The following EFCAB5 variants were observed in gnomAD, a reference collection of about 807,000 sequenced individuals.
The protein encoded by EFCAB5 is EF-hand calcium-binding domain-containing protein 5.
EFCAB5 carries 131 observed loss-of-function variants against 167.9 expected under a neutral mutation model. That is an observed-to-expected ratio of 0.78 (90% CI 0.68 to 0.90). The LOEUF (loss-of-function observed/expected upper bound fraction) is 0.90, where lower values mean the gene tolerates loss of function less well. EFCAB5 is among the 40% of genes least tolerant of loss of function. EFCAB5 has a pLI of 0.00. For missense variants in EFCAB5, 1,663 were observed against 1,745.2 expected (o/e 0.95, Z 0.84); for synonymous variants, 574 against 602.8 (o/e 0.95, Z 0.70).
At chr17:29,962,249 T>C (rs556010812) in intron 3 of EFCAB5, among the ~76,000 whole-genome samples, 2 of 152,362 alleles carry the variant, frequency 1.3e-5, no homozygotes, top group African/African-American at 2.4e-5. Context: ...TTTGATTGCA[T>C]TGAATCTGTA....
At chr17:29,964,656 A>G (rs1253812484) in intron 3 of EFCAB5, among the ~76,000 whole-genome samples, 1 of 151,422 alleles carries the variant, frequency 6.6e-6, no homozygotes, top group Non-Finnish European at 1.5e-5. Flanking sequence ...CCCCACTTTC[A>G]TTTCTGATTT....
At chr17:30,035,102 G>T (rs916468639) in intron 8 of EFCAB5, among the ~76,000 whole-genome samples, 6 of 152,168 alleles carry the variant, frequency 3.9e-5, no homozygotes, top group African/African-American at 1.4e-4. Context: ...TGCAATCTAG[G>T]TTCTTAGATT....
In EFCAB5 at chr17:30,089,390, G is replaced by A. The variant is rs574380791; in HGVS notation, c.3684-1031G>A. ...GGACATCATCTTACCTGTCACTGTA[G>A]GATTGATATAGAAACTATAAATGCG... On this transcript the variant is annotated intron_variant, in intron 19 of 22. Coordinates refer to ENST00000394835, the MANE Select transcript of EFCAB5 (RefSeq NM_198529.4). Among the ~76,000 whole-genome samples the A allele has an allele frequency of 3.3e-5, 5 of 152,164 alleles. No individual in the cohort carries two copies. The East Asian group carries it at 9.6e-4, about 29-fold the overall frequency.
At chr17:29,963,036 G>A (rs2067752904) in intron 3 of EFCAB5, among the ~76,000 whole-genome samples, 3 of 152,098 alleles carry the variant, frequency 2.0e-5, no homozygotes, top group Admixed American at 2.0e-4. Context: ...CAAACTCCAG[G>A]GTTCAAGTGA....
At chr17:29,951,524 T>TA (rs1036691435) in intron 3 of EFCAB5, among the ~76,000 whole-genome samples, 1 of 138,830 alleles carries the variant, frequency 7.2e-6, no homozygotes, top group East Asian at 1.9e-4. Context: ...TTTTTTTTTT[T>TA]ATTTTTTTTT....
intron 22 of EFCAB5, among the ~76,000 whole-genome samples, chr17:30,102,940 T>G (rs2071400588): frequency 6.6e-6 from 1 of 152,002 alleles, no homozygotes; most frequent in African/African-American, 2.4e-5. Context: ...CAGGTGATTC[T>G]CCCTCCTCCC....
Position 30,092,008 on chromosome 17 carries a change from ACAGAGC to A in EFCAB5, c.4078_4083del (p.Glu1360_Pro1361del). 1 of 1,614,018 alleles carries A rather than the reference ACAGAGC, an allele frequency of 6.2e-7. No homozygotes were observed. The highest frequency in any genetic ancestry group is 8.5e-7 in the Non-Finnish European group (1 of 1,179,890). ...GTTGCTCTATGACCATACTCTTGTA[ACAGAGC>A]CAAATTCTCCTCAAGACAGCAAATC... is the stretch of plus-strand genomic sequence containing the variant. On this transcript the variant is annotated inframe_deletion, in exon 21 of 23. Coordinates refer to ENST00000394835, the MANE Select transcript of EFCAB5 (RefSeq NM_198529.4).
rs35845114 is a variant in EFCAB5 at position 30,107,950 on chromosome 17, A to T, written c.4438A>T (p.Thr1480Ser). The T allele has an allele frequency of 6.2e-7, 1 of 1,611,822 alleles. No individual in the cohort carries two copies. The highest frequency in any genetic ancestry group is 1.3e-5 in the African/African-American group (1 of 74,800). ...AACCAAACAACTAAATAGTGGTATT[A>T]CACCTCCGTTGCCCTCCAAGACTGA... ...KITKQLNSGITPPLPSKTDNY... is the reference protein window; with the variant it reads ...KITKQLNSGISPPLPSKTDNY... The change falls in exon 23 of 23, where the codon ACA (threonine) becomes TCA (serine). Residue 1480 changes from threonine (T) to serine (S), a missense_variant. By Grantham distance (58) the Thr-to-Ser change is moderately conservative. Coordinates refer to ENST00000394835, the MANE Select transcript of EFCAB5 (RefSeq NM_198529.4).
intron 3 of EFCAB5, among the ~76,000 whole-genome samples, chr17:29,966,906 CT>C: frequency 6.6e-6 from 1 of 151,730 alleles, no homozygotes; most frequent in East Asian, 1.9e-4. Flanking sequence ...ACAAGATATT[CT>C]TGTATATATT....
intron 14 of EFCAB5, among the ~76,000 whole-genome samples, chr17:30,062,572 C>G (rs2151801511): frequency 6.6e-6 from 1 of 152,358 alleles, no homozygotes. Flanking sequence ...ACATAGTGCC[C>G]TGACCCTTGT....
At chr17:30,020,622 T>C (rs2151705480) in intron 7 of EFCAB5, among the ~76,000 whole-genome samples, 1 of 152,238 alleles carries the variant, frequency 6.6e-6, no homozygotes, top group South Asian at 2.1e-4. Flanking sequence ...CCCTAAGTGA[T>C]GGGATTACAG....
In EFCAB5 at chr17:30,003,102, G is replaced by GT. The variant is rs1567707814; in HGVS notation, c.1044+3126_1044+3127insT. 4.3e-5 allele frequency among the ~76,000 whole-genome samples: 6 copies of GT among 140,430 alleles called. No homozygotes were observed. The South Asian group carries it at 1.5e-3, about 36-fold the overall frequency. 92.1% of individuals were successfully genotyped at this position (140,430 alleles called of 152,430 possible). A position where few individuals can be genotyped will look rare whatever the true frequency, so the allele number is the denominator to read the frequency against. On this transcript the variant is annotated intron_variant, in intron 7 of 22. Coordinates refer to ENST00000394835, the MANE Select transcript of EFCAB5 (RefSeq NM_198529.4). ...TTTTCCTCTTTTTTTTTTGTAGCGG[G>GT]GGGGGGGTCTGATATTTCCTCTGTT...
chr17:30,069,580 C>T (rs2070675338), intron 14 of EFCAB5: 1 of 1,613,220 alleles, frequency 6.2e-7, no homozygotes, highest in South Asian at 1.1e-5. Flanking sequence ...GGATCCTCTT[C>T]TTCCTCGTGA....
At chr17:30,054,401 A>C (rs1184918742) in intron 10 of EFCAB5, among the ~76,000 whole-genome samples, 1 of 152,250 alleles carries the variant, frequency 6.6e-6, no homozygotes, top group Non-Finnish European at 1.5e-5. Context: ...ACTAGATTAT[A>C]GAAGTGTTTT....
chr17:30,088,404 G>A (rs1171571147), intron 19 of EFCAB5, among the ~76,000 whole-genome samples: 1 of 152,002 alleles, frequency 6.6e-6, no homozygotes, highest in Non-Finnish European at 1.5e-5. Flanking sequence ...AAGCATGAAA[G>A]TGTTTTATTT....
intron 19 of EFCAB5, among the ~76,000 whole-genome samples, chr17:30,088,797 G>A (rs886511810): frequency 6.6e-6 from 1 of 152,204 alleles, no homozygotes; most frequent in Non-Finnish European, 1.5e-5. Context: ...AATTACATAT[G>A]TCAATTAAAT....
chr17:30,037,983 T>A (rs1286102883), intron 8 of EFCAB5, among the ~76,000 whole-genome samples: 1 of 152,160 alleles, frequency 6.6e-6, no homozygotes, highest in Non-Finnish European at 1.5e-5. Context: ...TCTCTCACTT[T>A]AAATCAAAAG....
At chr17:30,068,859 T>G in intron 14 of EFCAB5, 1 of 1,435,406 alleles carries the variant, frequency 7.0e-7, no homozygotes, top group Non-Finnish European at 9.8e-7. Flanking sequence ...ATATTAATGC[T>G]TATAGCCATA....
At chr17:30,085,536 T>C (rs1275041841) in intron 18 of EFCAB5, among the ~76,000 whole-genome samples, 1 of 151,872 alleles carries the variant, frequency 6.6e-6, no homozygotes, top group Non-Finnish European at 1.5e-5. Context: ...CTGGCTAACA[T>C]GGTGAAACCC....
Sources: gnomAD v4.1 joint callset for allele counts (sites outside exome capture counted in the v4.1 genomes callset) on GRCh38, gnomAD v4.1.1 for gene constraint, MANE v1.5 for transcripts, NCBI Gene and HGNC (gene_info 2026-07-23, HGNC 2026-07-21) for gene names.